Variants in LRRIQ1 observed in about 807,000 individuals in gnomAD.
The protein encoded by LRRIQ1 is leucine-rich repeat- and IQ domain-containing protein 1.
Under a neutral mutation model 211.9 loss-of-function variants are expected in LRRIQ1, and 210 were observed. The observed-to-expected ratio is 0.99, with a 90% CI of 0.89 to 1.11. The LOEUF (loss-of-function observed/expected upper bound fraction) is 1.11, where lower values mean the gene tolerates loss of function less well. Ranked by LOEUF, LRRIQ1 falls within the 50% of genes most tolerant of loss-of-function variation. The pLI is 0.00. For missense variants in LRRIQ1, 2,136 were observed against 1,939.5 expected (o/e 1.10, Z -1.90); for synonymous variants, 699 against 650.1 (o/e 1.08, Z -1.14).
chr12:85,147,623 T>G (rs902937342), intron 19 of LRRIQ1, among the ~76,000 whole-genome samples: 1 of 151,676 alleles, frequency 6.6e-6, no homozygotes, highest in African/African-American at 2.4e-5. Flanking sequence ...TTAAGCGAAC[T>G]TGGGTGAATT....
chr12:85,252,314 TG>T (rs1403783404), intron 1 of LRRIQ1, among the ~76,000 whole-genome samples: 1 of 151,936 alleles, frequency 6.6e-6, no homozygotes, highest in African/African-American at 2.4e-5. Context: ...TCTCATAGAA[TG>T]GCATTTGAAA....
intron 18 of LRRIQ1, among the ~76,000 whole-genome samples, chr12:85,130,636 A>G (rs1888684987): frequency 6.6e-6 from 1 of 152,104 alleles, no homozygotes; most frequent in Non-Finnish European, 1.5e-5. Context: ...ATTGAAGTGA[A>G]CTCCATTTTC....
At chr12:85,213,283 C>T (rs544838440) in intron 24 of LRRIQ1, among the ~76,000 whole-genome samples, 1 of 151,732 alleles carries the variant, frequency 6.6e-6, no homozygotes, top group Non-Finnish European at 1.5e-5. Flanking sequence ...TAAAAAGTTC[C>T]ATTTACTAGA....
Position 85,098,893 on chromosome 12 carries a change from A to G in LRRIQ1, c.3108A>G (p.Leu1036=), listed in dbSNP as rs2136280525. 2 of 1,560,922 alleles carry G rather than the reference A, an allele frequency of 1.3e-6. No individual in the cohort carries two copies. Among genetic ancestry groups the G allele is most frequent in the East Asian group, 2.4e-5 (1 of 41,998 alleles). Residue 1036 remains leucine, a synonymous_variant, in exon 13 of 27, where the codon TTA becomes TTG. Transcript: ENST00000393217. ...TTCCATCCTTGGAGAATCTTGTTTT[A>G]CTAAGAGAATTGCACTTGGATGATA... ...SELPSLENLV[L]LRELHLDDNS...
intron 11 of LRRIQ1, among the ~76,000 whole-genome samples, chr12:85,086,962 A>ATTATTATTATTATTATTATT (rs1884895654): frequency 2.0e-5 from 2 of 102,264 alleles, no homozygotes; most frequent in African/African-American, 1.1e-4. Context: ...TTATTATTAT[A>ATTATTATTATTATTATTATT]CTTTAAGTTC....
intron 11 of LRRIQ1, among the ~76,000 whole-genome samples, chr12:85,090,143 G>T (rs1338785901): frequency 1.3e-5 from 2 of 152,190 alleles, no homozygotes; most frequent in African/African-American, 2.4e-5. Context: ...CTTCCACGTG[G>T]TATTAAGCCT....
At chr12:85,113,404 T>C (rs558716676) in intron 15 of LRRIQ1, among the ~76,000 whole-genome samples, 1 of 152,242 alleles carries the variant, frequency 6.6e-6, no homozygotes, top group African/African-American at 2.4e-5. Context: ...AGAAATTTTA[T>C]TTATATCCAT....
intron 24 of LRRIQ1, among the ~76,000 whole-genome samples, chr12:85,168,274 G>A (rs1216287645): frequency 6.6e-6 from 1 of 152,032 alleles, no homozygotes; most frequent in Non-Finnish European, 1.5e-5. Context: ...CTTAATCACA[G>A]GGCATGGTAA....
Position 85,046,893 on chromosome 12 carries a change from A to G in LRRIQ1, c.455-354A>G, listed in dbSNP as rs1565783443. Among the ~76,000 whole-genome samples, 4 of 151,904 alleles carry G rather than the reference A, an allele frequency of 2.6e-5. No individual in the cohort carries two copies. In the South Asian group the frequency reaches 8.3e-4, roughly 32 times the overall value. ...TGGAAACCATCATTCTGAGCAAACT[A>G]TTGCAAGGACAAAAAACCAAAAACC... On this transcript the variant is annotated intron_variant, in intron 5 of 26. Coordinates refer to ENST00000393217, the MANE Select transcript of LRRIQ1 (RefSeq NM_001079910.2).
intron 24 of LRRIQ1, among the ~76,000 whole-genome samples, chr12:85,197,876 T>C (rs187332824): frequency 2.1e-4 from 27 of 130,604 alleles, no homozygotes; most frequent in African/African-American, 7.8e-4. Flanking sequence ...TATAATAAAT[T>C]TAATAAAACA....
In LRRIQ1 at chr12:85,157,814, T is replaced by G. The variant is rs1180894761; in HGVS notation, c.4721-2799T>G. On this transcript the variant is annotated intron_variant, in intron 23 of 26. Coordinates refer to ENST00000393217, the MANE Select transcript of LRRIQ1 (RefSeq NM_001079910.2). Reference sequence around the variant, plus strand: ...TGGTGGAGATTAGCTGGTAAGAGGTTTAAGGAACATAGTACGAAGACCTAA... The same window carrying G: ...TGGTGGAGATTAGCTGGTAAGAGGTGTAAGGAACATAGTACGAAGACCTAA... Among the ~76,000 whole-genome samples, 3 of 151,622 alleles carry G rather than the reference T, an allele frequency of 2.0e-5. No homozygotes were observed. The Admixed American group carries it at 2.0e-4, about 10-fold the overall frequency.
Position 85,055,740 on chromosome 12 carries a change from G to T in LRRIQ1, c.947G>T (p.Arg316Met). The change falls in exon 8 of 27, where the codon AGG (arginine) becomes ATG (methionine). Residue 316 changes from arginine to methionine, a missense_variant. Arg to Met is a moderately conservative substitution (Grantham distance 91, BLOSUM62 -1). Coordinates refer to ENST00000393217, the MANE Select transcript of LRRIQ1 (RefSeq NM_001079910.2). ...IIKEQIESKK[R>M]KAQEWKEKEA... ...AAAGAGCAAATTGAAAGTAAGAAAA[G>T]GAAAGCACAAGAGTGGAAGGAAAAG... The T allele has an allele frequency of 5.0e-6, 8 of 1,605,716 alleles. No homozygotes were observed. The East Asian group carries it at 1.6e-4, about 32-fold the overall frequency.
intron 11 of LRRIQ1, among the ~76,000 whole-genome samples, chr12:85,091,598 G>A (rs192996483): frequency 6.6e-6 from 1 of 152,020 alleles, no homozygotes; most frequent in Non-Finnish European, 1.5e-5. Context: ...CCAGCATGGT[G>A]GTCCCTAGGT....
chr12:85,216,861 T>C (rs917298926), intron 24 of LRRIQ1, among the ~76,000 whole-genome samples: 1 of 151,896 alleles, frequency 6.6e-6, no homozygotes, highest in South Asian at 2.1e-4. Context: ...CTAAAAATAG[T>C]ACAATAAAAG....
intron 9 of LRRIQ1, among the ~76,000 whole-genome samples, chr12:85,065,664 A>G (rs1211999225): frequency 6.6e-6 from 1 of 151,848 alleles, no homozygotes. Context: ...TTGCTGCACA[A>G]CAAATGATTA....
chr12:85,151,591 A>T (rs1219338243), intron 19 of LRRIQ1, among the ~76,000 whole-genome samples: 1 of 151,720 alleles, frequency 6.6e-6, no homozygotes, highest in African/African-American at 2.4e-5. Flanking sequence ...TAAATTATAC[A>T]ACACTAATAT....
At chr12:85,048,116 C>G (rs1025542520) in intron 6 of LRRIQ1, 2 of 152,290 alleles carry the variant, frequency 1.3e-5, no homozygotes, top group African/African-American at 2.4e-5. Flanking sequence ...ACAGGCATGA[C>G]TGACTTCTCT....
chr12:85,110,274 G>T (rs1382940306), intron 15 of LRRIQ1, among the ~76,000 whole-genome samples: 2 of 151,938 alleles, frequency 1.3e-5, no homozygotes, highest in African/African-American at 4.8e-5. Flanking sequence ...AATCATACTG[G>T]GGAGATAAAA....
intron 7 of LRRIQ1, among the ~76,000 whole-genome samples, chr12:85,055,023 G>A (rs887941612): frequency 2.0e-5 from 3 of 152,062 alleles, no homozygotes; most frequent in Non-Finnish European, 4.4e-5. Flanking sequence ...ATTGAGAAGG[G>A]ATAAGATATG....
Sources: gnomAD v4.1 joint callset for allele counts (sites outside exome capture counted in the v4.1 genomes callset) on GRCh38, gnomAD v4.1.1 for gene constraint, MANE v1.5 for transcripts, NCBI Gene and HGNC (gene_info 2026-07-23, HGNC 2026-07-21) for gene names.